Variants in EEPD1 observed in about 807,000 individuals in gnomAD.
EEPD1 encodes the protein endonuclease/exonuclease/phosphatase family domain containing 1, also known as endonuclease/exonuclease/phosphatase family domain-containing protein 1.
A neutral mutation model predicts 46.3 loss-of-function variants in EEPD1; 17 were observed. The observed-to-expected ratio is 0.37, with a 90% CI of 0.25 to 0.55. EEPD1 has a LOEUF of 0.55. Ranked by LOEUF, EEPD1 falls within the 20% of genes least tolerant of loss-of-function variation. The pLI, the probability that EEPD1 is intolerant of heterozygous loss-of-function variation, is 0.83. For synonymous variants in EEPD1, 313 were observed against 315.6 expected, an observed-to-expected ratio of 0.99 and a Z score of 0.09; for missense variants, 673 against 745.6, an observed-to-expected ratio of 0.90 and a Z score of 1.13.
At chr7:36,227,558 TG>T (rs1482946831) in intron 2 of EEPD1, among the ~76,000 whole-genome samples, 1 of 152,154 alleles carries the variant, frequency 6.6e-6, no homozygotes, top group Non-Finnish European at 1.5e-5. Flanking sequence ...AAAGTAAGCA[TG>T]GGGGAAAACA....
intron 3 of EEPD1, among the ~76,000 whole-genome samples, chr7:36,251,141 T>C (rs886848023): frequency 4.6e-5 from 7 of 152,222 alleles, no homozygotes; most frequent in Non-Finnish European, 1.0e-4. Flanking sequence ...TTTATAGACA[T>C]CTATGCTCCC....
At chr7:36,292,323 G>A (rs999590486) in intron 6 of EEPD1, among the ~76,000 whole-genome samples, 3 of 152,054 alleles carry the variant, frequency 2.0e-5, no homozygotes, top group African/African-American at 4.8e-5. Flanking sequence ...TCTTAGAACC[G>A]GGGCCGAGAA....
Position 36,154,495 on chromosome 7 carries a change from G to A in EEPD1, c.171G>A (p.Thr57=). Residue 57 remains threonine (T), a synonymous_variant, in exon 2 of 8, where the codon ACG becomes ACA. Coordinates refer to ENST00000242108, the MANE Select transcript of EEPD1 (RefSeq NM_030636.3). This position sits in a 1 kb window ranked among gnomAD's most constrained non-coding sequence, Gnocchi z 4.2. ...AGCTGATGACCCTGCCTGGGGTGACGCGTGCCGTGGCACGCAGCATCGTGG... is the reference window on the plus strand; with the variant it reads ...AGCTGATGACCCTGCCTGGGGTGACACGTGCCGTGGCACGCAGCATCGTGG... The part of the protein sequence containing the change: ...EEELMTLPGV[T]RAVARSIVEY... The A allele has an allele frequency of 3.1e-6, 5 of 1,614,206 alleles. No individual in the cohort carries two copies. Among genetic ancestry groups the A allele is most frequent in the Non-Finnish European group, 4.2e-6 (5 of 1,180,032 alleles).
At chr7:36,284,268 T>C (rs546815965) in intron 4 of EEPD1, among the ~76,000 whole-genome samples, 3 of 152,344 alleles carry the variant, frequency 2.0e-5, no homozygotes, top group South Asian at 2.1e-4. Context: ...CTTGGAGTTA[T>C]ATGTTTTAGT....
chr7:36,268,180 C>T (rs529097608), intron 3 of EEPD1, among the ~76,000 whole-genome samples: 53 of 152,254 alleles, frequency 3.5e-4, no homozygotes, highest in African/African-American at 1.3e-3. Context: ...GAGACGGAGC[C>T]TTGCTCTGTC....
At position 36,278,157 on chromosome 7, in the gene EEPD1, G is replaced by C. The variant is rs1245103180; in HGVS notation, c.931-2958G>C. On this transcript the variant is annotated intron_variant, in intron 3 of 7. Transcript: ENST00000242108. ...TTGAACACATTCCCAGGTGACACTGGTGCTCACACTGTGACCAGCTCAAAA... is the reference window on the plus strand; with the variant it reads ...TTGAACACATTCCCAGGTGACACTGCTGCTCACACTGTGACCAGCTCAAAA... 2.6e-5 allele frequency among the ~76,000 whole-genome samples: 4 copies of C among 152,226 alleles called. No homozygotes were observed. In the East Asian group the frequency reaches 7.7e-4, roughly 29 times the overall value.
At chr7:36,276,663 T>C (rs1447926761) in intron 3 of EEPD1, among the ~76,000 whole-genome samples, 2 of 152,238 alleles carry the variant, frequency 1.3e-5, no homozygotes, top group East Asian at 3.8e-4. Context: ...CTAGGAGTGC[T>C]AAATCAGCAA....
intron 2 of EEPD1, among the ~76,000 whole-genome samples, chr7:36,230,015 G>T (rs1322621194): frequency 3.3e-5 from 5 of 152,020 alleles, no homozygotes; most frequent in Non-Finnish European, 5.9e-5. Flanking sequence ...GAACCCCAGT[G>T]TATCCAAGAC....
intron 2 of EEPD1, among the ~76,000 whole-genome samples, chr7:36,220,536 T>C (rs1483806326): frequency 1.3e-5 from 2 of 152,196 alleles, no homozygotes; most frequent in African/African-American, 4.8e-5. Flanking sequence ...AAGTTTGGGA[T>C]GAAAGAAAGA....
intron 3 of EEPD1, among the ~76,000 whole-genome samples, chr7:36,252,165 T>C (rs893678925): frequency 7.9e-5 from 12 of 152,216 alleles, no homozygotes; most frequent in Admixed American, 5.9e-4. Flanking sequence ...AGAAGTCTTA[T>C]AATATCCATG....
chr7:36,232,554 TC>T lies in EEPD1; in HGVS notation c.879-6426del, dbSNP rs373596058. ...TCTCTGGTTTGTTTGTTTTTGCCCC[TC>T]CCCCTACTCCTAATGCATAATACTA... is the stretch of plus-strand genomic sequence containing the variant. On this transcript the variant is annotated intron_variant, in intron 2 of 7. Coordinates refer to ENST00000242108, the MANE Select transcript of EEPD1 (RefSeq NM_030636.3). 5.4e-4 allele frequency among the ~76,000 whole-genome samples: 82 copies of T among 151,160 alleles called. 1 individual carries two copies. The highest frequency in any genetic ancestry group is 6.8e-3 in the Middle Eastern group (2 of 294).
rs1338507937 is a variant in EEPD1, at chr7:36,300,252, G to A, written c.*1046G>A. The A allele has an allele frequency of 6.6e-6, 1 of 152,308 alleles. No homozygotes were observed. The highest frequency in any genetic ancestry group is 1.5e-5 in the Non-Finnish European group (1 of 68,096). The allele number at this position is 152,308 out of a possible 1,614,324, so 9.4% of individuals were successfully genotyped here. On this transcript the variant is annotated 3_prime_UTR_variant, in exon 8 of 8. Coordinates refer to ENST00000242108, the MANE Select transcript of EEPD1 (RefSeq NM_030636.3). ...TTGGTTGTGGGGCTGGAGAGAGGTT[G>A]TGGGGAGGAAGCGAGGATGCGTGCC...
At position 36,155,058 on chromosome 7, in the gene EEPD1, G is replaced by T. The variant is rs1219764585; in HGVS notation, c.734G>T (p.Arg245Leu). The T allele has an allele frequency of 1.3e-6, 2 of 1,595,938 alleles. No individual in the cohort carries two copies. The highest frequency in any genetic ancestry group is 1.7e-6 in the Non-Finnish European group (2 of 1,169,648). ...PGGPTQIIST[R>L]PSVEAFGGTR... ...GGGCCCACCCAGATTATCTCCACTC[G>T]GCCGTCCGTGGAGGCCTTTGGAGGC... Residue 245 changes from arginine (R) to leucine (L), a missense_variant, in exon 2 of 8, where the codon CGG becomes CTG. Physicochemically the swap from Arg to Leu is moderately radical, Grantham distance 102. Coordinates refer to ENST00000242108, the MANE Select transcript of EEPD1 (RefSeq NM_030636.3).
intron 2 of EEPD1, among the ~76,000 whole-genome samples, chr7:36,180,055 C>T (rs971940797): frequency 6.6e-6 from 1 of 152,180 alleles, no homozygotes; most frequent in African/African-American, 2.4e-5. Context: ...CTCCCAGACA[C>T]CCACCTGAGG....
chr7:36,200,072 C>G (rs1041395380), intron 2 of EEPD1, among the ~76,000 whole-genome samples: 3 of 150,874 alleles, frequency 2.0e-5, no homozygotes, highest in African/African-American at 7.3e-5. Flanking sequence ...TTTCGTCACC[C>G]AGGTACTAAG....
At chr7:36,235,986 G>A (rs948389852) in intron 2 of EEPD1, among the ~76,000 whole-genome samples, 3 of 150,284 alleles carry the variant, frequency 2.0e-5, no homozygotes, top group African/African-American at 4.9e-5. Context: ...GTGCAGTGGC[G>A]TGATCTCTGC....
At chr7:36,243,468 A>T (rs1462155481) in intron 3 of EEPD1, among the ~76,000 whole-genome samples, 1 of 152,170 alleles carries the variant, frequency 6.6e-6, no homozygotes, top group Non-Finnish European at 1.5e-5. Context: ...TTAGACACAC[A>T]TTCTGCAAAC....
chr7:36,268,025 C>G (rs1289446783), intron 3 of EEPD1, among the ~76,000 whole-genome samples: 4 of 152,298 alleles, frequency 2.6e-5, no homozygotes, highest in Non-Finnish European at 4.4e-5. Context: ...CTCCAGCTTC[C>G]AGAACTGTGA....
intron 2 of EEPD1, among the ~76,000 whole-genome samples, chr7:36,234,748 C>T (rs761511156): frequency 5.9e-5 from 9 of 151,974 alleles, no homozygotes; most frequent in South Asian, 2.1e-4. Flanking sequence ...ATTTCTATTC[C>T]GTAGAACCTG....
Sources: gnomAD v4.1 joint callset for allele counts (sites outside exome capture counted in the v4.1 genomes callset) on GRCh38, gnomAD v4.1.1 for gene constraint, Gnocchi (gnomAD v3.1) non-coding constraint, MANE v1.5 for transcripts, NCBI Gene and HGNC (gene_info 2026-07-23, HGNC 2026-07-21) for gene names.